NME1: variants seen among roughly 807,000 people sequenced by gnomAD.
NME1 encodes nucleoside diphosphate kinase A.
In NME1, 9 loss-of-function variants were observed where a neutral mutation model predicts 17.2. The observed-to-expected ratio is 0.52, with a 90% CI of 0.32 to 0.92. The LOEUF (loss-of-function observed/expected upper bound fraction) is 0.92, where lower values mean the gene tolerates loss of function less well. NME1 is among the 40% of genes least tolerant of loss of function. The pLI, the probability that NME1 is intolerant of heterozygous loss-of-function variation, is 0.04. For synonymous variants in NME1, 72 were observed against 70.8 expected, an observed-to-expected ratio of 1.02 and a Z score of -0.09; for missense variants, 169 against 201.7, an observed-to-expected ratio of 0.84 and a Z score of 0.98.
chr17:51,153,767 C>A, intron 1 of NME1, 105 bp downstream of exon 1: 1 of 155,952 alleles, frequency 6.4e-6, no homozygotes, highest in South Asian at 1.8e-4. Context: ...TAAGAGGCGG[C>A]GAGGAGGATC....
chr17:51,159,212 G>T (rs1041089663), intron 2 of NME1, among the ~76,000 whole-genome samples: 1 of 152,338 alleles, frequency 6.6e-6, no homozygotes, highest in African/African-American at 2.4e-5. Flanking sequence ...CCAGCACTTT[G>T]GGAGGCGGAG....
intron 3 of NME1, 33 bp from the exon 4 acceptor site, chr17:51,161,127 C>T (rs2049858435): frequency 6.3e-7 from 1 of 1,585,184 alleles, no homozygotes; most frequent in Non-Finnish European, 8.6e-7. Context: ...GATTGGTTTT[C>T]TTCTTTGACC....
intron 4 of NME1, 50 bp downstream of exon 4, chr17:51,161,322 A>G (rs575364617): frequency 1.3e-6 from 2 of 1,534,896 alleles, no homozygotes; most frequent in South Asian, 2.4e-5. Flanking sequence ...TTTAGTTGCC[A>G]CAAGGATTTG....
chr17:51,159,340 C>T (rs1159211789), intron 2 of NME1, among the ~76,000 whole-genome samples: 1 of 152,200 alleles, frequency 6.6e-6, no homozygotes, highest in South Asian at 2.1e-4. Flanking sequence ...GTGGCTTACG[C>T]CCGTAGTCCC....
chr17:51,160,746 A>G, intron 3 of NME1: 1 of 338,650 alleles, frequency 3.0e-6, no homozygotes, highest in Non-Finnish European at 5.6e-6. Flanking sequence ...AGTAGCTGGG[A>G]CTACAGGCGC....
chr17:51,161,825 C>G lies in NME1; in HGVS notation c.439C>G (p.Gln147Glu). The change falls in exon 5 of 5, where the codon CAG becomes GAG. Residue 147 changes from glutamine (Q) to glutamate (E), a missense_variant. Physicochemically the swap from Gln to Glu is conservative, Grantham distance 29 (BLOSUM62 2). Coordinates refer to ENST00000393196, the MANE Select transcript of NME1 (RefSeq NM_000269.3). ...EELVDYTSCA[Q>E]NWIYE Reference sequence around the variant, plus strand: ...ACTGGTAGATTACACGAGCTGTGCTCAGAACTGGATCTATGAATGACAGGA... The same window carrying G: ...ACTGGTAGATTACACGAGCTGTGCTGAGAACTGGATCTATGAATGACAGGA... 6.2e-7 allele frequency: 1 copy of G among 1,612,562 alleles called. No homozygotes were observed. Among genetic ancestry groups the G allele is most frequent in the Non-Finnish European group, 8.5e-7 (1 of 1,178,628 alleles).
intron 3 of NME1, chr17:51,160,606 A>C: frequency 4.6e-6 from 1 of 217,506 alleles, no homozygotes; most frequent in South Asian, 6.0e-5. Context: ...CACACTTGGC[A>C]TTTCTTTTTT....
At chr17:51,154,738 C>A (rs1251246090) in intron 1 of NME1, among the ~76,000 whole-genome samples, 9 of 152,236 alleles carry the variant, frequency 5.9e-5, no homozygotes, top group East Asian at 3.9e-4. Context: ...TCTCTAAAAC[C>A]CCTAATGCTA....
chr17:51,154,302 A>G (rs1432653312), intron 1 of NME1: 1 of 1,436,910 alleles, frequency 7.0e-7, no homozygotes, highest in Non-Finnish European at 9.8e-7. Context: ...ACACACAAAC[A>G]GAAAATTGGA....
chr17:51,155,516 G>C, intron 1 of NME1, 135 bp from the exon 2 acceptor site: 1 of 1,275,570 alleles, frequency 7.8e-7, no homozygotes, highest in Non-Finnish European at 1.1e-6. Context: ...GGGAGGAATT[G>C]GGTTTTTACC....
At chr17:51,154,008 A>C (rs1238769575) in intron 1 of NME1, 1 of 284,854 alleles carries the variant, frequency 3.5e-6, no homozygotes, top group African/African-American at 2.2e-5. Context: ...GCAAGCACTG[A>C]GTGCTTACTG....
intron 2 of NME1, 43 bp from the exon 3 acceptor site, chr17:51,159,937 A>G (rs942291680): frequency 1.5e-5 from 24 of 1,608,660 alleles, no homozygotes; most frequent in Non-Finnish European, 1.9e-5. Flanking sequence ...ATATGTCCTT[A>G]GATGGTTTGG....
In NME1 at chr17:51,161,867, T is replaced by C. The variant is rs760172147; in HGVS notation, c.*22T>C. On this transcript the variant is annotated 3_prime_UTR_variant, in exon 5 of 5. Coordinates refer to ENST00000393196, the MANE Select transcript of NME1 (RefSeq NM_000269.3). ...ATGACAGGAGGGCAGACCACATTGC[T>C]TTTCACATCCATTTCCCCTCCTTCC... is the stretch of plus-strand genomic sequence containing the variant. 1 of 1,465,522 alleles carries C rather than the reference T, an allele frequency of 6.8e-7. No individual in the cohort carries two copies. Among genetic ancestry groups the C allele is most frequent in the East Asian group, 2.3e-5 (1 of 44,206 alleles). 90.8% of individuals were successfully genotyped at this position (1,465,522 alleles called of 1,614,324 possible). A position where few individuals can be genotyped will look rare whatever the true frequency, so the allele number is the denominator to read the frequency against.
At chr17:51,159,461 A>G (rs1324947510) in intron 2 of NME1, among the ~76,000 whole-genome samples, 1 of 152,078 alleles carries the variant, frequency 6.6e-6, no homozygotes, top group Non-Finnish European at 1.5e-5. Flanking sequence ...GCCAGGCATG[A>G]TGGCCGCCAC....
rs767158621 is a variant in NME1, at chr17:51,161,890, TC to T, written c.*48del. Reference sequence around the variant, plus strand: ...GCTTTTCACATCCATTTCCCCTCCTTCCCATGGGCAGAGGACCAGGCTGTAG... The same window carrying T: ...GCTTTTCACATCCATTTCCCCTCCTTCCATGGGCAGAGGACCAGGCTGTAG... On this transcript the variant is annotated 3_prime_UTR_variant, in exon 5 of 5. Transcript: ENST00000393196. 6.5e-6 allele frequency: 8 copies of T among 1,224,174 alleles called. No homozygotes were observed. The South Asian group carries it at 7.2e-5, about 11-fold the overall frequency. 75.8% of individuals were successfully genotyped at this position (1,224,174 alleles called of 1,614,324 possible).
At chr17:51,161,636 GC>G in intron 4 of NME1, 91 bp from the exon 5 acceptor site, 1 of 963,882 alleles carries the variant, frequency 1.0e-6, no homozygotes, top group Admixed American at 1.7e-5. Flanking sequence ...TGGAGCTTCA[GC>G]TTTTATGCTG....
intron 2 of NME1, 129 bp from the exon 3 acceptor site, chr17:51,159,851 G>T: frequency 2.0e-6 from 2 of 1,003,264 alleles, no homozygotes; most frequent in Non-Finnish European, 1.6e-6. Flanking sequence ...AGAATGAATT[G>T]GGTTATAACA....
At position 51,162,115 on chromosome 17, in the gene NME1, C is replaced by G. The variant is rs865775094; in HGVS notation, c.*270C>G. 18 of 404,084 alleles carry G rather than the reference C, an allele frequency of 4.5e-5. No homozygotes were observed. The highest frequency in any genetic ancestry group is 1.5e-4 in the Admixed American group (4 of 26,572). The allele number at this position is 404,084 out of a possible 1,614,324, so 25.0% of individuals were successfully genotyped here. On this transcript the variant is annotated 3_prime_UTR_variant, in exon 5 of 5. Transcript: ENST00000393196. ...TTTCATGTACACTGAATAACCTGAC[C>G]TAATAGAGAGTGTAAATACTATAAA...
intron 1 of NME1, 188 bp downstream of exon 1, chr17:51,153,850 C>T (rs558021085): frequency 3.5e-4 from 58 of 167,568 alleles, no homozygotes; most frequent in Admixed American, 7.9e-4. Context: ...GCCACGTGGA[C>T]TCGCCTTTGT....
Sources: gnomAD v4.1 joint callset for allele counts (sites outside exome capture counted in the v4.1 genomes callset) on GRCh38, gnomAD v4.1.1 for gene constraint, MANE v1.5 for transcripts, NCBI Gene and HGNC (gene_info 2026-07-23, HGNC 2026-07-21) for gene names.